The following KCNIP4 variants were observed in gnomAD, a reference collection of about 807,000 sequenced individuals.
KCNIP4 encodes Kv channel-interacting protein 4.
In KCNIP4, 12 loss-of-function variants were observed where a neutral mutation model predicts 34.0. That is an observed-to-expected ratio of 0.35 (90% confidence interval 0.23 to 0.57). KCNIP4 has a LOEUF of 0.57. Among genes scored for constraint, KCNIP4 ranks in the 20% least tolerant of loss-of-function variants. The pLI is 0.83. For synonymous variants in KCNIP4, 124 were observed against 102.2 expected, an observed-to-expected ratio of 1.21 and a Z score of -1.29; for missense variants, 238 against 311.7, an observed-to-expected ratio of 0.76 and a Z score of 1.78.
intron 1 of KCNIP4, among the ~76,000 whole-genome samples, chr4:21,117,273 TA>T (rs1236515973): frequency 8.5e-6 from 1 of 117,720 alleles, no homozygotes; most frequent in Non-Finnish European, 1.7e-5. Flanking sequence ...TTCTGATGGA[TA>T]GAAGATGTAG....
intron 1 of KCNIP4, among the ~76,000 whole-genome samples, chr4:21,145,656 A>G (rs1423541340): frequency 1.3e-5 from 2 of 152,228 alleles, no homozygotes; most frequent in African/African-American, 4.8e-5. Context: ...CCCTGATTAA[A>G]GACTGAAACA....
At chr4:21,584,108 C>T (rs1043970852) in intron 1 of KCNIP4, among the ~76,000 whole-genome samples, 3 of 151,994 alleles carry the variant, frequency 2.0e-5, no homozygotes, top group Non-Finnish European at 4.4e-5. Flanking sequence ...TACAACCAAA[C>T]CTTTGAGGTA....
At chr4:21,626,752 T>A (rs10516395) in intron 1 of KCNIP4, among the ~76,000 whole-genome samples, 1 of 151,928 alleles carries the variant, frequency 6.6e-6, no homozygotes, top group Non-Finnish European at 1.5e-5. Flanking sequence ...GGAACTAGTA[T>A]GTAAATAATG....
intron 1 of KCNIP4, among the ~76,000 whole-genome samples, chr4:20,944,545 C>A (rs994481295): frequency 6.6e-6 from 1 of 152,206 alleles, no homozygotes; most frequent in African/African-American, 2.4e-5. Context: ...TCTTTGTCAG[C>A]CAGATGGGTT....
At chr4:21,494,502 C>A (rs573572027) in intron 1 of KCNIP4, among the ~76,000 whole-genome samples, 1 of 152,008 alleles carries the variant, frequency 6.6e-6, no homozygotes, top group Non-Finnish European at 1.5e-5. Context: ...GTGCTGAGTG[C>A]GGTGGCTTAT....
In KCNIP4 at chr4:21,052,492, A is replaced by G. The variant is rs115031777; in HGVS notation, c.62-169783T>C. Among the ~76,000 whole-genome samples, 853 of 152,328 alleles carry G rather than the reference A, an allele frequency of 5.6e-3. 12 individuals are homozygous for G. Among genetic ancestry groups the G allele is most frequent in the African/African-American group, 0.02 (820 of 41,578 alleles). ...ACTTACAGACCATTGGGGATATATT[A>G]CACACAGAGGAGGTACAGGCAATGT... On this transcript the variant is annotated intron_variant, in intron 1 of 8. Transcript: ENST00000382152.
rs187078064 is a variant in KCNIP4 at position 21,113,416 on chromosome 4, T to C, written c.62-230707A>G. On this transcript the variant is annotated intron_variant, in intron 1 of 8. Transcript: ENST00000382152. ...TGTTCTTTTGCCTTCGAAAGCTGAA[T>C]GAAATATAAAGGAGAGGTTGTGCAT... Among the ~76,000 whole-genome samples, 11 of 97,998 alleles carry C rather than the reference T, an allele frequency of 1.1e-4. No homozygotes were observed. The East Asian group carries it at 3.1e-3, about 27-fold the overall frequency. The allele number at this position is 97,998 out of a possible 152,430, so 64.3% of individuals were successfully genotyped here. A position where few individuals can be genotyped will look rare whatever the true frequency, so the allele number is the denominator to read the frequency against.
Position 21,178,470 on chromosome 4 carries a change from T to C in KCNIP4, c.62-295761A>G, listed in dbSNP as rs1197684229. On this transcript the variant is annotated intron_variant, in intron 1 of 8. Transcript: ENST00000382152. ...CTGGGGTTCACATGAAGGTAGTGGA[T>C]TCACAGACCTCAGTTTATTTCCAGG... 2.0e-5 allele frequency among the ~76,000 whole-genome samples: 3 copies of C among 146,630 alleles called. 1 individual carries two copies. The highest frequency in any genetic ancestry group is 8.3e-5 in the African/African-American group (3 of 36,340).
At chr4:20,827,819 A>C (rs943050880) in intron 3 of KCNIP4, among the ~76,000 whole-genome samples, 1 of 152,016 alleles carries the variant, frequency 6.6e-6, no homozygotes, top group African/African-American at 2.4e-5. Flanking sequence ...AAAAAAAAAA[A>C]AAAACAAAGA....
chr4:20,947,366 A>G (rs1345206901), intron 1 of KCNIP4, among the ~76,000 whole-genome samples: 1 of 152,006 alleles, frequency 6.6e-6, no homozygotes, highest in Non-Finnish European at 1.5e-5. Context: ...ATAGGGTTTC[A>G]CCATGTTGCC....
At chr4:21,068,276 C>G (rs1166580761) in intron 1 of KCNIP4, among the ~76,000 whole-genome samples, 1 of 152,166 alleles carries the variant, frequency 6.6e-6, no homozygotes. Flanking sequence ...CTGACGTGGT[C>G]GTCCTGCTTC....
chr4:21,531,804 T>C (rs755204361), intron 1 of KCNIP4, among the ~76,000 whole-genome samples: 32 of 152,316 alleles, frequency 2.1e-4, no homozygotes, highest in South Asian at 1.5e-3. Flanking sequence ...GGAGGTAAGA[T>C]TATTTTTTTT....
chr4:20,917,421 T>G (rs1728960187), intron 1 of KCNIP4, among the ~76,000 whole-genome samples: 1 of 152,084 alleles, frequency 6.6e-6, no homozygotes, highest in African/African-American at 2.4e-5. Context: ...TTATGAAATG[T>G]CTGTCAAGCA....
intron 1 of KCNIP4, among the ~76,000 whole-genome samples, chr4:21,037,946 A>T (rs557130652): frequency 1.1e-3 from 163 of 145,738 alleles, no homozygotes; most frequent in African/African-American, 4.0e-3. Context: ...CCAAAAAACA[A>T]ACATACAAAA....
intron 1 of KCNIP4, among the ~76,000 whole-genome samples, chr4:21,562,583 C>T (rs1379105178): frequency 1.3e-5 from 2 of 151,852 alleles, no homozygotes; most frequent in Non-Finnish European, 2.9e-5. Context: ...ATTATCAGAA[C>T]CAAATAAAGA....
At chr4:20,739,816 A>C (rs1481645779) in intron 5 of KCNIP4, among the ~76,000 whole-genome samples, 3 of 152,196 alleles carry the variant, frequency 2.0e-5, no homozygotes, top group African/African-American at 7.2e-5. Context: ...AAGATGTTCG[A>C]ACCCATCACA....
At position 20,903,286 on chromosome 4, in the gene KCNIP4, T is replaced by C. The variant is rs118168289; in HGVS notation, c.62-20577A>G. 3.7e-3 allele frequency among the ~76,000 whole-genome samples: 563 copies of C among 152,302 alleles called. 4 individuals carry two copies. The highest frequency in any genetic ancestry group is 3.5e-3 in the East Asian group (18 of 5,156). ...CTACTGAACAGCAACCCTATGTCTT[T>C]CTGTAGAAATGTTTATTTTGCACCA... On this transcript the variant is annotated intron_variant, in intron 1 of 8. Transcript: ENST00000382152.
chr4:21,455,810 TATATATATATATATATATATATATA>T (rs1728890378), intron 1 of KCNIP4, among the ~76,000 whole-genome samples: 3 of 68,024 alleles, frequency 4.4e-5, no homozygotes, highest in African/African-American at 8.3e-5. Flanking sequence ...CAGATATTCA[TATATATATATATATATATATATATA>T]TATATATATA....
intron 1 of KCNIP4, among the ~76,000 whole-genome samples, chr4:21,346,133 CTGAG>C (rs1007461842): frequency 1.1e-5 from 1 of 88,888 alleles, no homozygotes; most frequent in African/African-American, 4.2e-5. Context: ...TTTACACTGC[CTGAG>C]TGTGTATATA....
Sources: gnomAD v4.1 joint callset for allele counts (sites outside exome capture counted in the v4.1 genomes callset) on GRCh38, gnomAD v4.1.1 for gene constraint, MANE v1.5 for transcripts, NCBI Gene and HGNC (gene_info 2026-07-23, HGNC 2026-07-21) for gene names.